SLC24A2: variants seen among roughly 807,000 people sequenced by gnomAD.
SLC24A2 encodes solute carrier family 24 member 2, also known as sodium/potassium/calcium exchanger 2.
A neutral mutation model predicts 62.0 loss-of-function variants in SLC24A2; 36 were observed. The observed-to-expected ratio is 0.58, with a 90% CI of 0.44 to 0.77. The LOEUF (loss-of-function observed/expected upper bound fraction) is 0.77. Ranked by LOEUF, SLC24A2 falls within the 30% of genes least tolerant of loss-of-function variation. The probability of loss-of-function intolerance (pLI) is 0.00; values close to 1 mark genes in which losing one functional copy is unlikely to be tolerated. For missense variants in SLC24A2, 846 were observed against 817.9 expected (o/e 1.03, Z -0.42); for synonymous variants, 358 against 294.0 (o/e 1.22, Z -2.23).
In SLC24A2 at chr9:19,771,834, T is replaced by C. The variant is rs148304652; in HGVS notation, c.930+14103A>G. Among the ~76,000 whole-genome samples, 187 of 152,326 alleles carry C rather than the reference T, an allele frequency of 1.2e-3. 1 individual carries two copies. The highest frequency in any genetic ancestry group is 4.2e-3 in the African/African-American group (174 of 41,570). ...CTATTGTTATTTTTTACCGTATATATGGAGCTTCATACAATTACAAAGTGC... is the reference window on the plus strand; with the variant it reads ...CTATTGTTATTTTTTACCGTATATACGGAGCTTCATACAATTACAAAGTGC... On this transcript the variant is annotated intron_variant, in intron 2 of 10. Coordinates refer to ENST00000341998, the MANE Select transcript of SLC24A2 (RefSeq NM_020344.4).
At chr9:20,214,298 T>A in the SLC24A2 span, among the ~76,000 whole-genome samples, 5 of 152,072 alleles carry the variant, frequency 3.3e-5, no homozygotes, top group Non-Finnish European at 4.4e-5. Flanking sequence ...ATTGCACCTA[T>A]AGTCAACAAT....
At chr9:19,824,095 T>G in the SLC24A2 span, among the ~76,000 whole-genome samples, 1 of 152,094 alleles carries the variant, frequency 6.6e-6, no homozygotes, top group Non-Finnish European at 1.5e-5. Context: ...ACAGTAATAT[T>G]CAGGACATAG....
chr9:20,010,621 T>A, the SLC24A2 span, among the ~76,000 whole-genome samples: 6 of 152,166 alleles, frequency 3.9e-5, no homozygotes, highest in African/African-American at 1.4e-4. Context: ...TTCTTTTTTT[T>A]AATTATACTT....
At chr9:20,099,769 T>G in the SLC24A2 span, among the ~76,000 whole-genome samples, 14 of 152,304 alleles carry the variant, frequency 9.2e-5, no homozygotes, top group South Asian at 1.2e-3. Flanking sequence ...CTATAACTTG[T>G]TCCATTTTAT....
chr9:20,161,794 T>C, the SLC24A2 span, among the ~76,000 whole-genome samples: 1 of 144,596 alleles, frequency 6.9e-6, no homozygotes, highest in Non-Finnish European at 1.5e-5. Context: ...ACAAACATCA[T>C]ACCACACACA....
the SLC24A2 span, among the ~76,000 whole-genome samples, chr9:20,127,535 T>G: frequency 1.3e-5 from 2 of 152,126 alleles, no homozygotes; most frequent in African/African-American, 2.4e-5. Flanking sequence ...AATCCCCAGT[T>G]TCATCTCTTT....
intron 5 of SLC24A2, among the ~76,000 whole-genome samples, chr9:19,587,830 T>A (rs569153258): frequency 6.6e-6 from 1 of 152,336 alleles, no homozygotes; most frequent in East Asian, 1.9e-4. Flanking sequence ...CTTCTACATA[T>A]GCAATGTGAC....
At chr9:19,597,087 A>C in intron 5 of SLC24A2, 142 bp downstream of exon 5, 1 of 668,488 alleles carries the variant, frequency 1.5e-6, no homozygotes, top group East Asian at 2.7e-5. Context: ...GGCAAAAACT[A>C]GACAAAAATG....
At chr9:19,767,820 G>A (rs1822565731) in intron 2 of SLC24A2, among the ~76,000 whole-genome samples, 1 of 152,178 alleles carries the variant, frequency 6.6e-6, no homozygotes, top group South Asian at 2.1e-4. Context: ...CTCTGTTTTA[G>A]TTCATCTTTT....
the SLC24A2 span, among the ~76,000 whole-genome samples, chr9:20,108,486 G>A: frequency 6.6e-6 from 1 of 152,118 alleles, no homozygotes; most frequent in Non-Finnish European, 1.5e-5. Flanking sequence ...AAGAAAACTT[G>A]GCACATATAC....
chr9:20,225,988 G>T, the SLC24A2 span, among the ~76,000 whole-genome samples: 1 of 152,038 alleles, frequency 6.6e-6, no homozygotes, highest in African/African-American at 2.4e-5. Context: ...TGAAAGTGAA[G>T]GAAGGAGGAA....
At chr9:20,039,945 G>A in the SLC24A2 span, among the ~76,000 whole-genome samples, 389 of 152,266 alleles carry the variant, frequency 2.6e-3, 3 homozygotes, top group African/African-American at 8.9e-3. Flanking sequence ...CTAAATATGT[G>A]CTAAGTTGTA....
chr9:19,529,203 T>C (rs1483842623), intron 8 of SLC24A2, among the ~76,000 whole-genome samples: 2 of 152,198 alleles, frequency 1.3e-5, no homozygotes, highest in East Asian at 3.8e-4. Context: ...CAATTTTATC[T>C]AGAGAAATGA....
the SLC24A2 span, among the ~76,000 whole-genome samples, chr9:19,963,168 T>G: frequency 1.1e-4 from 16 of 142,312 alleles, no homozygotes; most frequent in Admixed American, 3.0e-4. Flanking sequence ...TAGCCATATG[T>G]AGAAAGCTGA....
At chr9:19,918,456 T>C in the SLC24A2 span, among the ~76,000 whole-genome samples, 2 of 152,220 alleles carry the variant, frequency 1.3e-5, no homozygotes, top group Middle Eastern at 6.8e-3. Flanking sequence ...GTGTGGTTTT[T>C]AGATTCATTC....
intron 2 of SLC24A2, among the ~76,000 whole-genome samples, chr9:19,724,825 A>G (rs980273321): frequency 6.6e-6 from 1 of 152,212 alleles, no homozygotes; most frequent in African/African-American, 2.4e-5. Flanking sequence ...TTTGAAACCA[A>G]TAAGGCGTAT....
At chr9:19,783,251 A>G (rs1444059951) in intron 2 of SLC24A2, among the ~76,000 whole-genome samples, 1 of 152,204 alleles carries the variant, frequency 6.6e-6, no homozygotes, top group Non-Finnish European at 1.5e-5. Flanking sequence ...TGATTTGTAT[A>G]AGAATATCTA....
chr9:19,543,952 G>A (rs369281495), intron 8 of SLC24A2, among the ~76,000 whole-genome samples: 3 of 152,282 alleles, frequency 2.0e-5, no homozygotes, highest in Middle Eastern at 3.4e-3. Flanking sequence ...AGGTCTGCTT[G>A]TTCCAGCGCT....
chr9:20,128,295 C>T, the SLC24A2 span, among the ~76,000 whole-genome samples: 1 of 152,040 alleles, frequency 6.6e-6, no homozygotes, highest in African/African-American at 2.4e-5. Context: ...ATATCATCTT[C>T]AAATGTTGCC....
Sources: allele counts gnomAD v4.1 joint callset (sites outside exome capture counted in the v4.1 genomes callset), GRCh38; gene constraint gnomAD v4.1.1; transcripts MANE v1.5; gene names NCBI Gene and HGNC (gene_info 2026-07-23, HGNC 2026-07-21).